Variants in PDE3A observed in about 807,000 individuals in gnomAD.
The protein encoded by PDE3A is cGMP-inhibited 3',5'-cyclic phosphodiesterase 3A.
In PDE3A, 43 loss-of-function variants were observed where a neutral mutation model predicts 98.3. The ratio of observed to expected loss-of-function variants is 0.44; its 90% CI spans 0.34 to 0.56. PDE3A has a LOEUF of 0.56. Ranked by LOEUF, PDE3A falls within the 20% of genes least tolerant of loss-of-function variation. The pLI, the probability that PDE3A is intolerant of heterozygous loss-of-function variation, is 0.01. For synonymous variants in PDE3A, 663 were observed against 567.9 expected, an observed-to-expected ratio of 1.17 and a Z score of -2.38; for missense variants, 1,427 against 1,440.7, an observed-to-expected ratio of 0.99 and a Z score of 0.15.
intron 1 of PDE3A, among the ~76,000 whole-genome samples, chr12:20,449,051 G>A (rs1334107148): frequency 6.6e-6 from 1 of 152,150 alleles, no homozygotes; most frequent in Non-Finnish European, 1.5e-5. Flanking sequence ...GTATGTAAAA[G>A]CTACTTTGTA....
At chr12:20,490,909 A>G (rs1167033817) in intron 1 of PDE3A, among the ~76,000 whole-genome samples, 1 of 152,204 alleles carries the variant, frequency 6.6e-6, no homozygotes, top group East Asian at 1.9e-4. Flanking sequence ...GTTTGAGACC[A>G]GTCTGGGCAA....
chr12:20,387,285 A>G (rs1943829789), intron 1 of PDE3A, among the ~76,000 whole-genome samples: 1 of 151,858 alleles, frequency 6.6e-6, no homozygotes, highest in African/African-American at 2.4e-5. Context: ...ATGAATTTTA[A>G]AGTAGCTTTT....
At chr12:20,661,459 A>G (rs762453051) in intron 15 of PDE3A, among the ~76,000 whole-genome samples, 6 of 152,204 alleles carry the variant, frequency 3.9e-5, no homozygotes, top group Non-Finnish European at 7.3e-5. Flanking sequence ...TGTCTCCAGT[A>G]TATGTCAGAG....
intron 1 of PDE3A, among the ~76,000 whole-genome samples, chr12:20,397,741 T>C (rs1944044317): frequency 6.6e-6 from 1 of 152,138 alleles, no homozygotes; most frequent in Non-Finnish European, 1.5e-5. Flanking sequence ...CCTCCGTATA[T>C]ATTTTAAAGA....
intron 1 of PDE3A, among the ~76,000 whole-genome samples, chr12:20,498,245 T>A (rs1945958638): frequency 6.6e-6 from 1 of 152,038 alleles, no homozygotes; most frequent in African/African-American, 2.4e-5. Context: ...GTGGGCATTG[T>A]GGAGCTTGCA....
intron 2 of PDE3A, among the ~76,000 whole-genome samples, chr12:20,560,852 A>C (rs1942498983): frequency 6.6e-6 from 1 of 152,010 alleles, no homozygotes; most frequent in Non-Finnish European, 1.5e-5. Context: ...CCTCGCCGGA[A>C]ACCCACCCCC....
intron 1 of PDE3A, among the ~76,000 whole-genome samples, chr12:20,452,363 T>A (rs1945080321): frequency 6.6e-6 from 1 of 152,238 alleles, no homozygotes; most frequent in African/African-American, 2.4e-5. Context: ...CTCCCTTTTC[T>A]GGTCATCAGC....
intron 15 of PDE3A, among the ~76,000 whole-genome samples, chr12:20,665,439 A>G (rs986621451): frequency 6.6e-6 from 1 of 152,180 alleles, no homozygotes. Context: ...AAAACTTTGA[A>G]TCATTTGGTC....
rs78986871 is a variant in PDE3A, at chr12:20,417,783, G to T, written c.960+47539G>T. On this transcript the variant is annotated intron_variant, in intron 1 of 15. Coordinates refer to ENST00000359062, the MANE Select transcript of PDE3A (RefSeq NM_000921.5). The stretch of plus-strand genomic sequence containing the variant: ...GATAATAAAAGCAGGTATTTGTTGA[G>T]TACTTACTGAGTGTTCGAGGCAGCG... Among the ~76,000 whole-genome samples, 1,298 of 152,314 alleles carry T rather than the reference G, an allele frequency of 8.5e-3. 17 individuals are homozygous for T. The highest frequency in any genetic ancestry group is 0.029 in the African/African-American group (1,214 of 41,568).
At chr12:20,586,206 A>T (rs1343950184) in intron 2 of PDE3A, among the ~76,000 whole-genome samples, 1 of 152,186 alleles carries the variant, frequency 6.6e-6, no homozygotes, top group East Asian at 1.9e-4. Context: ...TCCTAGGAAG[A>T]GAGAATGGCA....
At chr12:20,375,316 G>T (rs1943550883) in intron 1 of PDE3A, among the ~76,000 whole-genome samples, 1 of 151,708 alleles carries the variant, frequency 6.6e-6, no homozygotes, top group Admixed American at 6.6e-5. Flanking sequence ...TTTCATGATA[G>T]GTAGTATTTT....
Position 20,607,754 on chromosome 12 carries a change from C to T in PDE3A, c.1012-5689C>T, listed in dbSNP as rs188650737. ...AGGAAAAGATTTGTTTGATCATCTG[C>T]ACCATAAGAAGACTCAACTGCGATT... On this transcript the variant is annotated intron_variant, in intron 2 of 15. Coordinates refer to ENST00000359062, the MANE Select transcript of PDE3A (RefSeq NM_000921.5). 4.9e-3 allele frequency among the ~76,000 whole-genome samples: 737 copies of T among 151,946 alleles called. 12 individuals are homozygous for T. Among genetic ancestry groups the T allele is most frequent in the Non-Finnish European group, 5.3e-3 (362 of 67,974 alleles).
chr12:20,390,603 A>G (rs1943895614), intron 1 of PDE3A, among the ~76,000 whole-genome samples: 1 of 151,692 alleles, frequency 6.6e-6, no homozygotes, highest in Non-Finnish European at 1.5e-5. Flanking sequence ...AAAAAGCATC[A>G]GATCAGTTTT....
intron 15 of PDE3A, among the ~76,000 whole-genome samples, chr12:20,666,365 G>A (rs150174170): frequency 6.6e-6 from 1 of 152,200 alleles, no homozygotes; most frequent in East Asian, 1.9e-4. Flanking sequence ...TGCTATCGAA[G>A]AACTTATTTA....
At position 20,646,956 on chromosome 12, in the gene PDE3A, T is replaced by C; in HGVS notation, c.2565+6T>C. 6.2e-7 allele frequency: 1 copy of C among 1,603,156 alleles called. No homozygotes were observed. The highest frequency in any genetic ancestry group is 8.5e-7 in the Non-Finnish European group (1 of 1,170,814). ...TTGCAACTAGTGCTCCTCAGGTAAA[T>C]CTTTAGATTTTGGTTAGGAGAACTA... On this transcript the variant is annotated splice_donor_region_variant and intron_variant, in intron 12 of 15. Coordinates refer to ENST00000359062, the MANE Select transcript of PDE3A (RefSeq NM_000921.5).
intron 1 of PDE3A, among the ~76,000 whole-genome samples, chr12:20,508,128 A>G (rs1241486038): frequency 6.6e-6 from 1 of 151,998 alleles, no homozygotes; most frequent in East Asian, 1.9e-4. Context: ...TGTGTATGCC[A>G]GGCACATTCT....
At chr12:20,597,698 C>A (rs1462911351) in intron 2 of PDE3A, among the ~76,000 whole-genome samples, 1 of 152,132 alleles carries the variant, frequency 6.6e-6, no homozygotes, top group African/African-American at 2.4e-5. Flanking sequence ...CTGGATACAC[C>A]CACAGGGTTT....
chr12:20,635,314 C>T (rs1317829455), intron 8 of PDE3A, among the ~76,000 whole-genome samples: 1 of 152,078 alleles, frequency 6.6e-6, no homozygotes, highest in African/African-American at 2.4e-5. Context: ...CGCCTGTAAT[C>T]CCAGCACTTT....
chr12:20,584,643 C>G (rs1308521641), intron 2 of PDE3A, among the ~76,000 whole-genome samples: 1 of 152,126 alleles, frequency 6.6e-6, no homozygotes, highest in Admixed American at 6.6e-5. Context: ...TATTACATTA[C>G]AATCCTTAGG....
Sources: allele counts gnomAD v4.1 joint callset (sites outside exome capture counted in the v4.1 genomes callset), GRCh38; gene constraint gnomAD v4.1.1; transcripts MANE v1.5; gene names NCBI Gene and HGNC (gene_info 2026-07-23, HGNC 2026-07-21).